HECW1: variants seen among roughly 807,000 people sequenced by gnomAD.
HECW1 encodes HECT, C2 and WW domain containing E3 ubiquitin protein ligase 1, also known as E3 ubiquitin-protein ligase HECW1.
Under a neutral mutation model 182.3 loss-of-function variants are expected in HECW1, and 61 were observed. That is an observed-to-expected ratio of 0.33 (90% confidence interval 0.27 to 0.41). HECW1 has a LOEUF of 0.41. HECW1 is among the 10% of genes least tolerant of loss of function. The pLI is 1.00. For synonymous variants in HECW1, 859 were observed against 832.6 expected, an observed-to-expected ratio of 1.03 and a Z score of -0.55; for missense variants, 1,739 against 2,108.9, an observed-to-expected ratio of 0.82 and a Z score of 3.44.
At chr7:43,320,790 G>A in intron 5 of HECW1, 48 bp downstream of exon 5, 1 of 1,341,836 alleles carries the variant, frequency 7.5e-7, no homozygotes. Flanking sequence ...GGATGAAGCA[G>A]AATTCAACTG....
intron 2 of HECW1, among the ~76,000 whole-genome samples, chr7:43,138,536 A>C (rs1787813040): frequency 6.6e-6 from 1 of 152,130 alleles, no homozygotes; most frequent in East Asian, 1.9e-4. Context: ...TGTTATAAAA[A>C]CGCCTTGCTT....
intron 2 of HECW1, among the ~76,000 whole-genome samples, chr7:43,221,247 A>G (rs1265371724): frequency 6.6e-6 from 1 of 152,080 alleles, no homozygotes; most frequent in Non-Finnish European, 1.5e-5. Context: ...TTTCACATAC[A>G]CTAGAAGAAT....
chr7:43,468,307 C>T (rs2077872311), intron 15 of HECW1, among the ~76,000 whole-genome samples: 2 of 152,102 alleles, frequency 1.3e-5, no homozygotes, highest in African/African-American at 2.4e-5. Context: ...CAAAGGCAGA[C>T]CTCAATAGTC....
At chr7:43,398,845 G>C (rs1199235906) in intron 7 of HECW1, among the ~76,000 whole-genome samples, 2 of 152,146 alleles carry the variant, frequency 1.3e-5, no homozygotes, top group South Asian at 4.1e-4. Context: ...AGTTAGTCAG[G>C]AGTGCTGATT....
intron 19 of HECW1, 151 bp from the exon 20 acceptor site, chr7:43,500,548 T>C: frequency 1.5e-6 from 1 of 646,336 alleles, no homozygotes; most frequent in Non-Finnish European, 2.8e-6. Context: ...TGAGAGCCTG[T>C]GATACAAACT....
chr7:43,309,301 G>A (rs1223524886), intron 3 of HECW1, among the ~76,000 whole-genome samples: 2 of 152,190 alleles, frequency 1.3e-5, no homozygotes, highest in African/African-American at 4.8e-5. Flanking sequence ...AGGGTGGTGG[G>A]AGAGGGTGGG....
At chr7:43,379,262 C>T (rs1238763685) in intron 6 of HECW1, among the ~76,000 whole-genome samples, 5 of 152,176 alleles carry the variant, frequency 3.3e-5, no homozygotes, top group Admixed American at 1.3e-4. Context: ...TTTACACTTC[C>T]ATTTTCCTCA....
At chr7:43,192,159 A>G (rs1341438105) in intron 2 of HECW1, among the ~76,000 whole-genome samples, 1 of 152,106 alleles carries the variant, frequency 6.6e-6, no homozygotes, top group Non-Finnish European at 1.5e-5. Flanking sequence ...GGGTTTCACC[A>G]TATTGGCCAG....
intron 7 of HECW1, among the ~76,000 whole-genome samples, chr7:43,405,936 C>G (rs2075595727): frequency 6.6e-6 from 1 of 152,100 alleles, no homozygotes; most frequent in African/African-American, 2.4e-5. Flanking sequence ...ATTGTGGGGG[C>G]AAAAGTGACT....
chr7:43,535,310 C>A (rs1043746931), intron 24 of HECW1, among the ~76,000 whole-genome samples: 3 of 152,194 alleles, frequency 2.0e-5, no homozygotes, highest in African/African-American at 4.8e-5. Context: ...GTGCAAAACC[C>A]AGATGGAACT....
intron 2 of HECW1, among the ~76,000 whole-genome samples, chr7:43,126,672 CCT>C (rs2152613250): frequency 1.3e-5 from 2 of 152,276 alleles, no homozygotes; most frequent in Middle Eastern, 3.4e-3. Flanking sequence ...TTTGGGCAAC[CCT>C]GAGTCCAGCA....
At chr7:43,264,636 G>A (rs954550117) in intron 3 of HECW1, among the ~76,000 whole-genome samples, 2 of 152,024 alleles carry the variant, frequency 1.3e-5, no homozygotes, top group Non-Finnish European at 2.9e-5. Context: ...ACAAGGTCAG[G>A]AGACCAAGAC....
At chr7:43,386,829 G>C (rs1387774460) in intron 6 of HECW1, among the ~76,000 whole-genome samples, 1 of 152,046 alleles carries the variant, frequency 6.6e-6, no homozygotes, top group Non-Finnish European at 1.5e-5. Context: ...ACCGCACTGT[G>C]CTTTTATTTT....
rs549214390 is a variant in HECW1, at chr7:43,483,547, C to CTTTTTTTT, written c.3234+3815_3234+3822dup. 4.1e-3 allele frequency among the ~76,000 whole-genome samples: 487 copies of CTTTTTTTT among 118,978 alleles called. 11 individuals are homozygous for CTTTTTTTT. Among genetic ancestry groups the CTTTTTTTT allele is most frequent in the Non-Finnish European group, 6.6e-3 (382 of 58,056 alleles). 78.1% of individuals were successfully genotyped at this position (118,978 alleles called of 152,430 possible). A position where few individuals can be genotyped will look rare whatever the true frequency, so the allele number is the denominator to read the frequency against. ...TTCCTAACAGTCATCCATGCAAACT[C>CTTTTTTTT]TTTTTTTTTTTTTTTTTTTGAGCTA... On this transcript the variant is annotated intron_variant, in intron 17 of 29. Coordinates refer to ENST00000395891, the MANE Select transcript of HECW1 (RefSeq NM_015052.5).
intron 2 of HECW1, among the ~76,000 whole-genome samples, chr7:43,147,258 A>G (rs546411406): frequency 6.6e-6 from 1 of 152,084 alleles, no homozygotes; most frequent in East Asian, 1.9e-4. Context: ...TTTTTTTAAC[A>G]GCACTCCAGG....
At chr7:43,228,328 CAA>C (rs549457929) in intron 2 of HECW1, among the ~76,000 whole-genome samples, 2 of 131,492 alleles carry the variant, frequency 1.5e-5, no homozygotes, top group Admixed American at 7.6e-5. Context: ...TCTACAAAAT[CAA>C]AAAAAAAAAA....
intron 24 of HECW1, among the ~76,000 whole-genome samples, chr7:43,527,891 T>C (rs1227649942): frequency 6.6e-6 from 1 of 152,188 alleles, no homozygotes; most frequent in East Asian, 1.9e-4. Flanking sequence ...AAATTTCAAC[T>C]GTTTGCCTGA....
chr7:43,340,459 G>A (rs1248034353), intron 5 of HECW1, among the ~76,000 whole-genome samples: 1 of 151,136 alleles, frequency 6.6e-6, no homozygotes, highest in Non-Finnish European at 1.5e-5. Context: ...GACCTCAGGT[G>A]ATCCACCCAC....
chr7:43,414,486 T>C (rs1280402090), intron 8 of HECW1, among the ~76,000 whole-genome samples: 3 of 149,834 alleles, frequency 2.0e-5, no homozygotes, highest in Admixed American at 6.7e-5. Context: ...GAACTTCCAA[T>C]ACTATGTTGA....
Sources: gnomAD v4.1 joint callset for allele counts (sites outside exome capture counted in the v4.1 genomes callset) on GRCh38, gnomAD v4.1.1 for gene constraint, MANE v1.5 for transcripts, NCBI Gene and HGNC (gene_info 2026-07-23, HGNC 2026-07-21) for gene names.